NTN5: variants seen among roughly 807,000 people sequenced by gnomAD.
NTN5 encodes the protein netrin 5.
Under a neutral mutation model 38.7 loss-of-function variants are expected in NTN5, and 42 were observed. The ratio of observed to expected loss-of-function variants is 1.08; its 90% confidence interval spans 0.85 to 1.40. The LOEUF is 1.40. NTN5 is among the 40% of genes most tolerant of loss of function. NTN5 has a pLI of 0.00. For synonymous variants in NTN5, 329 were observed against 303.9 expected, an observed-to-expected ratio of 1.08 and a Z score of -0.86; for missense variants, 658 against 716.5, an observed-to-expected ratio of 0.92 and a Z score of 0.93.
chr19:48,667,884 G>A (rs570486129), intron 2 of NTN5, among the ~76,000 whole-genome samples: 5 of 152,158 alleles, frequency 3.3e-5, no homozygotes, highest in South Asian at 2.1e-4. Context: ...ATAGAGGGCC[G>A]GGAGGCAAAG....
chr19:48,661,772 A>G lies in NTN5; in HGVS notation c.1375T>C (p.Trp459Arg). 1 of 1,458,318 alleles carries G rather than the reference A, an allele frequency of 6.9e-7. No homozygotes were observed. The allele number at this position is 1,458,318 out of a possible 1,614,324, so 90.3% of individuals were successfully genotyped here. ...HGLALPWRPR[W>R]ARPLKRLQQE... ...TGCAGCCGCTTCAGGGGCCGGGCCCAGCGCGGCCTCCATGGCAGCGCGAGG... is the reference window on the plus strand; with the variant it reads ...TGCAGCCGCTTCAGGGGCCGGGCCCGGCGCGGCCTCCATGGCAGCGCGAGG... Residue 459 changes from tryptophan (W) to arginine (R), a missense_variant, in exon 7 of 7, where the codon TGG (tryptophan) becomes CGG (arginine). Physicochemically the swap from Trp to Arg is moderately radical, Grantham distance 101. Coordinates refer to ENST00000270235, the MANE Select transcript of NTN5 (RefSeq NM_145807.4).
Position 48,664,772 on chromosome 19 carries a change from G to T in NTN5, c.632-5C>A. On this transcript the variant is annotated splice_region_variant and splice_polypyrimidine_tract_variant and intron_variant, in intron 2 of 6. Coordinates refer to ENST00000270235, the MANE Select transcript of NTN5 (RefSeq NM_145807.4). ...CGTGCTGGTTGCAGGAGCAGGCTAG[G>T]AGCAAAATGGGGTGGGGGCGCATCA... 6.5e-7 allele frequency: 1 copy of T among 1,537,798 alleles called. No individual in the cohort carries two copies. The highest frequency in any genetic ancestry group is 1.2e-5 in the South Asian group (1 of 82,286).
chr19:48,666,862 T>G (rs1601208043), intron 2 of NTN5, among the ~76,000 whole-genome samples: 2 of 151,714 alleles, frequency 1.3e-5, no homozygotes, highest in East Asian at 2.0e-4. Context: ...TTAAAATTTT[T>G]TTTTTAAAGA....
chr19:48,662,910 G>A (rs757763182), intron 6 of NTN5: 3 of 229,426 alleles, frequency 1.3e-5, no homozygotes, highest in South Asian at 1.2e-4. Flanking sequence ...AGAAGTCTGC[G>A]GTCCTATACA....
chr19:48,668,049 C>T (rs12462111), intron 2 of NTN5, among the ~76,000 whole-genome samples: 49,604 of 151,838 alleles, frequency 0.33, 9,612 homozygotes, highest in Middle Eastern at 0.54. Flanking sequence ...GAGCTGACAC[C>T]GGCTGTCTCT....
rs1453045782 is a variant in NTN5 at position 48,661,416 on chromosome 19, A to G, written c.*261T>C. 2.8e-6 allele frequency: 1 copy of G among 357,968 alleles called. No individual in the cohort carries two copies. Among genetic ancestry groups the G allele is most frequent in the Non-Finnish European group, 5.0e-6 (1 of 200,564 alleles). 22.2% of individuals were successfully genotyped at this position (357,968 alleles called of 1,614,324 possible). Reference sequence around the variant, plus strand: ...GGTCTGTAGACAAAAATTCCCAAAGATTTGAGACTTTATTGGGGGAAACAG... The same window carrying G: ...GGTCTGTAGACAAAAATTCCCAAAGGTTTGAGACTTTATTGGGGGAAACAG... On this transcript the variant is annotated 3_prime_UTR_variant, in exon 7 of 7. Coordinates refer to ENST00000270235, the MANE Select transcript of NTN5 (RefSeq NM_145807.4).
intron 4 of NTN5, 90 bp downstream of exon 4, chr19:48,664,053 C>T: frequency 6.9e-7 from 1 of 1,454,170 alleles, no homozygotes; most frequent in African/African-American, 1.4e-5. Flanking sequence ...ATTCCCAAGG[C>T]CCCAGCCCTC....
chr19:48,669,759 G>GTCACCACTACCATCACCATCA, intron 2 of NTN5, among the ~76,000 whole-genome samples: 1 of 51,194 alleles, frequency 2.0e-5, no homozygotes. Context: ...CATCACCATC[G>GTCACCACTACCATCACCATCA]TCACCACTAC....
In NTN5 at chr19:48,670,002, TCACCACCATCATCAC is replaced by T. The variant is rs1568452879; in HGVS notation, c.631+339_631+353del. The stretch of plus-strand genomic sequence containing the variant: ...ACCATCATCACCACCACCATCACCA[TCACCACCATCATCAC>T]CACCACCATCACCACCACAGTCATC... On this transcript the variant is annotated intron_variant, in intron 2 of 6. Transcript: ENST00000270235. 5.2e-4 allele frequency among the ~76,000 whole-genome samples: 43 copies of T among 82,046 alleles called. 1 individual carries two copies. In the East Asian group the frequency reaches 0.018, roughly 34 times the overall value. The allele number at this position is 82,046 out of a possible 152,430, so 53.8% of individuals were successfully genotyped here. A position where few individuals can be genotyped will look rare whatever the true frequency, so the allele number is the denominator to read the frequency against.
chr19:48,664,030 C>T, intron 4 of NTN5, 113 bp downstream of exon 4: 1 of 1,362,934 alleles, frequency 7.3e-7, no homozygotes, highest in South Asian at 1.4e-5. Flanking sequence ...CAGCCTCCAG[C>T]CTTGGGCTCC....
At chr19:48,664,986 C>T (rs1262391294) in intron 2 of NTN5, among the ~76,000 whole-genome samples, 1 of 151,940 alleles carries the variant, frequency 6.6e-6, no homozygotes, top group Non-Finnish European at 1.5e-5. Context: ...GACCTCAGCT[C>T]ACTGCAACCT....
chr19:48,662,010 C>G lies in NTN5; in HGVS notation c.1137G>C (p.Ala379=). The G allele has an allele frequency of 6.7e-7, 1 of 1,487,050 alleles. No individual in the cohort carries two copies. Among genetic ancestry groups the G allele is most frequent in the Non-Finnish European group, 8.9e-7 (1 of 1,126,226 alleles). The allele number at this position is 1,487,050 out of a possible 1,614,324, so 92.1% of individuals were successfully genotyped here. ...CCAGCCGCTGCCATGCCGGGCCCGC[C>G]GCCTCGGACGCTAGCACCTGCGCGC... ...VLRAQVLASE[A]AGPAWQRLAV... is the part of the protein sequence containing the mutation. The change falls in exon 7 of 7, where the codon GCG becomes GCC. Residue 379 remains alanine, a synonymous_variant. Coordinates refer to ENST00000270235, the MANE Select transcript of NTN5 (RefSeq NM_145807.4).
chr19:48,663,766 C>T lies in NTN5; in HGVS notation c.1019G>A (p.Ser340Asn), dbSNP rs1328253490. ...TCCGTGCCAGACTGTCTTACCAGAG[C>T]TATAAGCACCAGGAGTAGTGGCAAG... ...TTLATTPGAY[S>N]SDPQCQNYCN... The change falls in exon 5 of 7, where the codon AGC becomes AAC. Residue 340 changes from serine (S) to asparagine (N), a missense_variant. Ser to Asn is a conservative substitution (Grantham distance 46). Transcript: ENST00000270235. 2 of 1,614,088 alleles carry T rather than the reference C, an allele frequency of 1.2e-6. No homozygotes were observed. Among genetic ancestry groups the T allele is most frequent in the Admixed American group, 1.7e-5 (1 of 60,016 alleles).
intron 1 of NTN5, 112 bp from the exon 2 acceptor site, chr19:48,671,118 C>T (rs2031952556): frequency 2.8e-6 from 2 of 701,876 alleles, no homozygotes; most frequent in Non-Finnish European, 4.4e-6. Flanking sequence ...AGGCCCCCTC[C>T]CCGGCTGCAT....
intron 2 of NTN5, among the ~76,000 whole-genome samples, chr19:48,669,513 TCACCAC>T (rs1208660418): frequency 7.7e-5 from 2 of 25,954 alleles, no homozygotes; most frequent in African/African-American, 1.5e-4. Context: ...ACGACCATCA[TCACCAC>T]CACCACCATC....
Position 48,670,653 on chromosome 19 carries a change from G to C in NTN5, c.334C>G (p.Pro112Ala). 1 of 1,605,406 alleles carries C rather than the reference G, an allele frequency of 6.2e-7. No homozygotes were observed. The highest frequency in any genetic ancestry group is 8.5e-7 in the Non-Finnish European group (1 of 1,176,776). Residue 112 changes from proline to alanine, a missense_variant, in exon 2 of 7, where the codon CCT becomes GCT. Coordinates refer to ENST00000270235, the MANE Select transcript of NTN5 (RefSeq NM_145807.4). ...WRLLWHRPAW[P>A]GALGGPERVT... is the part of the protein sequence containing the mutation. ...CTTTCAGGGCCCCCTAAGGCCCCAG[G>C]CCAGGCGGGCCTGTGCCACAGCAGC...
Position 48,661,683 on chromosome 19 carries a change from C to T in NTN5, c.1464G>A (p.Glu488=). ...AGGCAGCCCCATCTCACGTCTAGTG[C>T]TCCGGCCTGGGACTGGGTGTGGGTG... is the stretch of plus-strand genomic sequence containing the variant. ...VRAPTPSPRP[E]H is the part of the protein sequence containing the mutation. Residue 488 remains glutamate (E), a synonymous_variant, in exon 7 of 7, where the codon GAG becomes GAA. Coordinates refer to ENST00000270235, the MANE Select transcript of NTN5 (RefSeq NM_145807.4). 6.5e-7 allele frequency: 1 copy of T among 1,549,784 alleles called. No homozygotes were observed. Among genetic ancestry groups the T allele is most frequent in the Non-Finnish European group, 8.6e-7 (1 of 1,158,566 alleles).
In NTN5 at chr19:48,669,213, C is replaced by CCAT. The variant is rs1262881933; in HGVS notation, c.631+1142_631+1143insATG. On this transcript the variant is annotated intron_variant, in intron 2 of 6. Coordinates refer to ENST00000270235, the MANE Select transcript of NTN5 (RefSeq NM_145807.4). ...ATCATCACCACCATCACCATCACCA[C>CCAT]CACCACCACCACGACCATCATCACC... Among the ~76,000 whole-genome samples, 7 of 17,484 alleles carry CCAT rather than the reference C, an allele frequency of 4.0e-4. 1 individual carries two copies. Among genetic ancestry groups the CCAT allele is most frequent in the South Asian group, 1.6e-3 (1 of 644 alleles). The allele number at this position is 17,484 out of a possible 152,430, so 11.5% of individuals were successfully genotyped here.
At chr19:48,669,225 C>T (rs1362736900) in intron 2 of NTN5, among the ~76,000 whole-genome samples, 6 of 15,064 alleles carry the variant, frequency 4.0e-4, no homozygotes, top group African/African-American at 1.7e-3. Context: ...ACCACCACCA[C>T]GACCATCATC....
Sources: gnomAD v4.1 joint callset for allele counts (sites outside exome capture counted in the v4.1 genomes callset) on GRCh38, gnomAD v4.1.1 for gene constraint, MANE v1.5 for transcripts, NCBI Gene and HGNC (gene_info 2026-07-23, HGNC 2026-07-21) for gene names.